Variants in SETD5 observed in about 807,000 individuals in gnomAD.
The protein encoded by SETD5 is histone-lysine N-methyltransferase SETD5.
A neutral mutation model predicts 153.3 loss-of-function variants in SETD5; 44 were observed. The observed-to-expected ratio is 0.29, with a 90% CI of 0.23 to 0.37. The LOEUF (loss-of-function observed/expected upper bound fraction) is 0.37. Among genes scored for constraint, SETD5 ranks in the 10% least tolerant of loss-of-function variants. The pLI is 1.00. For missense variants in SETD5, 1,544 were observed against 1,768.0 expected (o/e 0.87, Z 2.27); for synonymous variants, 716 against 645.2 (o/e 1.11, Z -1.66).
rs372696106 is a variant in SETD5, at chr3:9,435,923, T to C, written c.567+17T>C. 18 of 1,546,492 alleles carry C rather than the reference T, an allele frequency of 1.2e-5. No homozygotes were observed. The highest frequency in any genetic ancestry group is 1.4e-5 in the Non-Finnish European group (16 of 1,148,328). On this transcript the variant is annotated intron_variant, in intron 7 of 22. Coordinates refer to ENST00000402198, the MANE Select transcript of SETD5 (RefSeq NM_001080517.3). ...AAAATCAAGGTATGCAGGGTAAAAA[T>C]ATCTTAAATAGAAATTGTCTGAAAT...
chr3:9,398,842 A>G (rs914268417), intron 1 of SETD5, among the ~76,000 whole-genome samples: 5 of 152,186 alleles, frequency 3.3e-5, no homozygotes, highest in African/African-American at 9.7e-5. Flanking sequence ...AATTGATTCT[A>G]TAGAGTCCTT....
chr3:9,475,141 C>G lies in SETD5; in HGVS notation c.3705C>G (p.Ser1235=), dbSNP rs1449492617. The G allele has an allele frequency of 6.3e-7, 1 of 1,583,790 alleles. No individual in the cohort carries two copies. The highest frequency in any genetic ancestry group is 8.6e-7 in the Non-Finnish European group (1 of 1,165,098). ...AAGGAGCAACAGTTTACAGCCCTTC[C>G]AGATACAGCTACCAGGTGAGATGAG... ...LSKGATVYSP[S]RYSYQLLQCD... The change falls in exon 22 of 23, where the codon TCC becomes TCG. Residue 1235 remains serine (S), a synonymous_variant. Transcript: ENST00000402198.
At chr3:9,417,034 T>C (rs2037571398) in intron 1 of SETD5, among the ~76,000 whole-genome samples, 1 of 152,164 alleles carries the variant, frequency 6.6e-6, no homozygotes, top group Admixed American at 6.5e-5. Flanking sequence ...ACAAAAATGT[T>C]CTTGTTCCAT....
intron 1 of SETD5, among the ~76,000 whole-genome samples, chr3:9,407,313 G>A (rs529271882): frequency 9.2e-5 from 14 of 152,210 alleles, no homozygotes; most frequent in African/African-American, 3.4e-4. Context: ...GGGAGACAGA[G>A]CAAGACTGTG....
intron 3 of SETD5, chr3:9,433,519 C>A (rs1178592876): frequency 7.7e-7 from 1 of 1,294,150 alleles, no homozygotes; most frequent in Non-Finnish European, 1.0e-6. Flanking sequence ...TGAGTCTAAA[C>A]CAGCCCAGAG....
intron 1 of SETD5, among the ~76,000 whole-genome samples, chr3:9,406,704 G>A (rs764494717): frequency 6.2e-4 from 94 of 151,930 alleles, no homozygotes; most frequent in Non-Finnish European, 1.1e-3. Context: ...GACAAATTTA[G>A]TGTTATTTGT....
intron 1 of SETD5, among the ~76,000 whole-genome samples, chr3:9,401,177 T>G (rs2034712061): frequency 6.6e-6 from 1 of 152,236 alleles, no homozygotes; most frequent in Non-Finnish European, 1.5e-5. Context: ...AAACAGAACC[T>G]TTAATGGATA....
chr3:9,473,576 T>TG (rs71626926), intron 20 of SETD5, 39 bp downstream of exon 20: 73 of 1,469,598 alleles, frequency 5.0e-5, no homozygotes, highest in Admixed American at 5.9e-5. Flanking sequence ...AAATTGGGGG[T>TG]GGGGGGGAGT....
intron 13 of SETD5, among the ~76,000 whole-genome samples, chr3:9,445,965 G>GTTTTTTTTTTGTTT (rs2041910620): frequency 1.2e-5 from 1 of 86,476 alleles, no homozygotes; most frequent in African/African-American, 4.7e-5. Flanking sequence ...TGAAGAGGTT[G>GTTTTTTTTTTGTTT]TTTTTTTTTT....
At chr3:9,433,765 G>T in intron 3 of SETD5, 80 bp from the exon 4 acceptor site, 1 of 1,405,800 alleles carries the variant, frequency 7.1e-7, no homozygotes, top group East Asian at 2.3e-5. Flanking sequence ...AAGAGGAGGG[G>T]TTAGAATGGG....
chr3:9,433,779 T>G, intron 3 of SETD5, 66 bp from the exon 4 acceptor site: 1 of 1,491,874 alleles, frequency 6.7e-7, no homozygotes, highest in South Asian at 1.1e-5. Flanking sequence ...GAATGGGAAA[T>G]GAAGTGTTAG....
chr3:9,413,834 A>G (rs1220787534), intron 1 of SETD5, among the ~76,000 whole-genome samples: 1 of 151,700 alleles, frequency 6.6e-6, no homozygotes, highest in Non-Finnish European at 1.5e-5. Flanking sequence ...CTGGAGTGCA[A>G]TGGTGTGATC....
chr3:9,453,944 T>C, intron 17 of SETD5, 76 bp downstream of exon 17: 2 of 1,393,736 alleles, frequency 1.4e-6, no homozygotes, highest in African/African-American at 2.9e-5. Context: ...AGTATGAGTA[T>C]TTCTGATACA....
At chr3:9,422,849 C>G (rs934672489) in intron 1 of SETD5, among the ~76,000 whole-genome samples, 1 of 152,176 alleles carries the variant, frequency 6.6e-6, no homozygotes, top group Non-Finnish European at 1.5e-5. Context: ...GGCAGCAGAT[C>G]TTGTTCATCA....
At chr3:9,425,368 T>G (rs993952302) in intron 2 of SETD5, among the ~76,000 whole-genome samples, 2 of 152,108 alleles carry the variant, frequency 1.3e-5, no homozygotes, top group Non-Finnish European at 2.9e-5. Context: ...CGGGCTGACT[T>G]AATGTTTCTT....
At chr3:9,401,981 A>G (rs1158198198) in intron 1 of SETD5, among the ~76,000 whole-genome samples, 1 of 152,192 alleles carries the variant, frequency 6.6e-6, no homozygotes, top group Non-Finnish European at 1.5e-5. Flanking sequence ...AATGTAGTGT[A>G]CCCGTGATGG....
chr3:9,429,616 TA>T (rs138038588), intron 3 of SETD5, among the ~76,000 whole-genome samples: 9,025 of 152,236 alleles, frequency 0.059, 399 homozygotes, highest in Admixed American at 0.12. Flanking sequence ...GCCCAATCCC[TA>T]AAATTATACT....
At chr3:9,400,509 T>C (rs145710617) in intron 1 of SETD5, among the ~76,000 whole-genome samples, 1,755 of 152,354 alleles carry the variant, frequency 0.012, 11 homozygotes, top group Non-Finnish European at 0.019. Flanking sequence ...ATTTACCTTA[T>C]AGACGATTTG....
At chr3:9,468,621 T>G in intron 18 of SETD5, 1 of 1,295,006 alleles carries the variant, frequency 7.7e-7, no homozygotes, top group South Asian at 1.2e-5. Flanking sequence ...TGAGAGTGAG[T>G]GTTCATGAAT....
Sources: allele counts gnomAD v4.1 joint callset (sites outside exome capture counted in the v4.1 genomes callset), GRCh38; gene constraint gnomAD v4.1.1; transcripts MANE v1.5; gene names NCBI Gene and HGNC (gene_info 2026-07-23, HGNC 2026-07-21).